FER: variants seen among roughly 807,000 people sequenced by gnomAD.
The protein encoded by FER is tyrosine-protein kinase Fer.
A neutral mutation model predicts 111.0 loss-of-function variants in FER; 63 were observed. The ratio of observed to expected loss-of-function variants is 0.57; its 90% confidence interval spans 0.46 to 0.70. The LOEUF is 0.70. FER is among the 30% of genes least tolerant of loss of function. The pLI, the probability that FER is intolerant of heterozygous loss-of-function variation, is 0.00. For missense variants in FER, 914 were observed against 954.0 expected (o/e 0.96, Z 0.55); for synonymous variants, 327 against 313.9 (o/e 1.04, Z -0.44).
At chr5:109,008,750 G>C (rs975820310) in intron 13 of FER, among the ~76,000 whole-genome samples, 15 of 152,154 alleles carry the variant, frequency 9.9e-5, no homozygotes, top group Non-Finnish European at 7.3e-5. Context: ...GGAGGCCGAG[G>C]CGGGCAGATC....
At chr5:109,145,525 C>T (rs562494039) in intron 17 of FER, among the ~76,000 whole-genome samples, 1 of 152,016 alleles carries the variant, frequency 6.6e-6, no homozygotes, top group Non-Finnish European at 1.5e-5. Flanking sequence ...ACCCCCGCAA[C>T]TTTTCTCCCC....
chr5:109,165,930 G>A (rs915910128), intron 17 of FER, among the ~76,000 whole-genome samples: 1 of 152,130 alleles, frequency 6.6e-6, no homozygotes, highest in African/African-American at 2.4e-5. Flanking sequence ...CAGGTCCTCT[G>A]TCTAATTGGA....
intron 16 of FER, among the ~76,000 whole-genome samples, chr5:109,057,098 A>T (rs900936790): frequency 4.6e-5 from 7 of 152,308 alleles, no homozygotes; most frequent in Admixed American, 6.5e-5. Context: ...GGTTGTCTGC[A>T]ATTTCTCTAA....
intron 16 of FER, among the ~76,000 whole-genome samples, chr5:109,090,462 G>A (rs910813513): frequency 3.3e-5 from 5 of 152,036 alleles, no homozygotes; most frequent in African/African-American, 1.2e-4. Context: ...GGGAAACATG[G>A]CCCAATCAAA....
intron 17 of FER, among the ~76,000 whole-genome samples, chr5:109,136,078 A>AAACCCTG (rs1752863002): frequency 6.6e-6 from 1 of 151,400 alleles, no homozygotes; most frequent in African/African-American, 2.4e-5. Flanking sequence ...CAACATGGCG[A>AAACCCTG]AACCCTGTTT....
intron 17 of FER, among the ~76,000 whole-genome samples, chr5:109,119,532 G>A (rs1582115380): frequency 6.6e-6 from 1 of 152,198 alleles, no homozygotes; most frequent in African/African-American, 2.4e-5. Context: ...GGTCTTCTTG[G>A]TGCAGAGCTG....
intron 2 of FER, among the ~76,000 whole-genome samples, chr5:108,777,831 T>G (rs1753658725): frequency 6.6e-6 from 1 of 152,128 alleles, no homozygotes; most frequent in African/African-American, 2.4e-5. Context: ...AACTCCCATT[T>G]TTAAAACCAT....
At chr5:109,186,439 C>G in intron 19 of FER, 117 bp downstream of exon 19, 1 of 1,466,880 alleles carries the variant, frequency 6.8e-7, no homozygotes, top group South Asian at 1.2e-5. Context: ...GTTATGAGAC[C>G]ATCTCTGGGG....
At chr5:108,921,335 G>A (rs1377333259) in intron 10 of FER, among the ~76,000 whole-genome samples, 2 of 151,884 alleles carry the variant, frequency 1.3e-5, no homozygotes, top group Non-Finnish European at 1.5e-5. Context: ...ATTTGATTAT[G>A]GTATGTATGT....
At chr5:108,806,421 G>A (rs1346926781) in intron 3 of FER, among the ~76,000 whole-genome samples, 2 of 152,250 alleles carry the variant, frequency 1.3e-5, no homozygotes, top group African/African-American at 2.4e-5. Flanking sequence ...TAGTGGAGCT[G>A]TGAGAAGAGG....
At chr5:108,919,840 A>G (rs1256440798) in intron 10 of FER, among the ~76,000 whole-genome samples, 1 of 152,160 alleles carries the variant, frequency 6.6e-6, no homozygotes, top group Admixed American at 6.5e-5. Flanking sequence ...CCTCTGTGCT[A>G]TTAATGTATC....
chr5:109,188,232 C>G lies in FER; in HGVS notation c.*657C>G, dbSNP rs761072337. On this transcript the variant is annotated 3_prime_UTR_variant, in exon 20 of 20. Coordinates refer to ENST00000281092, the MANE Select transcript of FER (RefSeq NM_005246.4). ...CGTAGGTCGGGCACGGTGGCTCACG[C>G]CTGTAATCCCAGGCATGTAATCTCA... The G allele has an allele frequency of 6.9e-6, 1 of 145,750 alleles. No homozygotes were observed. The highest frequency in any genetic ancestry group is 1.5e-5 in the Non-Finnish European group (1 of 66,184). The allele number at this position is 145,750 out of a possible 1,614,324, so 9.0% of individuals were successfully genotyped here.
intron 13 of FER, among the ~76,000 whole-genome samples, chr5:108,997,023 A>G (rs1764075898): frequency 6.6e-6 from 1 of 152,082 alleles, no homozygotes; most frequent in Non-Finnish European, 1.5e-5. Flanking sequence ...CCTTTGTAGC[A>G]ATTGTGAATG....
At chr5:109,117,513 G>A (rs1261035046) in intron 17 of FER, among the ~76,000 whole-genome samples, 3 of 152,150 alleles carry the variant, frequency 2.0e-5, no homozygotes, top group Non-Finnish European at 4.4e-5. Flanking sequence ...ATAATTTGCT[G>A]TATATTATTT....
intron 16 of FER, chr5:109,052,406 A>C: frequency 6.5e-7 from 1 of 1,532,836 alleles, no homozygotes; most frequent in Non-Finnish European, 9.0e-7. Context: ...CCAGCAGTTA[A>C]GTAGGCTTGA....
At chr5:108,873,974 C>T (rs995384561) in intron 8 of FER, among the ~76,000 whole-genome samples, 1 of 152,162 alleles carries the variant, frequency 6.6e-6, no homozygotes, top group Non-Finnish European at 1.5e-5. Flanking sequence ...TCTCAATTCA[C>T]GTGCTGCTGG....
intron 2 of FER, among the ~76,000 whole-genome samples, chr5:108,784,852 TG>T (rs1322178907): frequency 6.6e-6 from 1 of 152,198 alleles, no homozygotes; most frequent in Non-Finnish European, 1.5e-5. Context: ...TTTCTCGCCC[TG>T]GGTGGGCCAG....
In FER at chr5:108,889,299, G is replaced by A. The variant is rs571645571; in HGVS notation, c.1046+5781G>A. Among the ~76,000 whole-genome samples, 7 of 151,930 alleles carry A rather than the reference G, an allele frequency of 4.6e-5. No homozygotes were observed. In the East Asian group the frequency reaches 5.8e-4, roughly 13 times the overall value. ...CACTATTCACAATAGTCAAGAGTCC[G>A]AAGCAACCTACGTGTCCATCAACAG... On this transcript the variant is annotated intron_variant, in intron 9 of 19. Coordinates refer to ENST00000281092, the MANE Select transcript of FER (RefSeq NM_005246.4).
At chr5:109,129,580 G>A (rs555722931) in intron 17 of FER, among the ~76,000 whole-genome samples, 152 of 151,886 alleles carry the variant, frequency 1.0e-3, no homozygotes, top group African/African-American at 3.3e-3. Flanking sequence ...AAACATATTC[G>A]ATAAACTAAA....
Sources: gnomAD v4.1 joint callset for allele counts (sites outside exome capture counted in the v4.1 genomes callset) on GRCh38, gnomAD v4.1.1 for gene constraint, MANE v1.5 for transcripts, NCBI Gene and HGNC (gene_info 2026-07-23, HGNC 2026-07-21) for gene names.